ADGRV1: variants seen among roughly 807,000 people sequenced by gnomAD.
The protein encoded by ADGRV1 is adhesion G protein-coupled receptor V1, also known as G-protein coupled receptor 98.
ADGRV1 carries 359 observed loss-of-function variants against 596.2 expected under a neutral mutation model. The observed-to-expected ratio is 0.60, with a 90% confidence interval of 0.55 to 0.66. The LOEUF is 0.66. ADGRV1 is among the 30% of genes least tolerant of loss of function. The pLI, the probability that ADGRV1 is intolerant of heterozygous loss-of-function variation, is 0.00. For synonymous variants in ADGRV1, 2,681 were observed against 2,679.2 expected (o/e 1.00, Z -0.02); for missense variants, 7,274 against 7,575.6 (o/e 0.96, Z 1.48).
chr5:90,990,098 G>A (rs534182837), intron 85 of ADGRV1, among the ~76,000 whole-genome samples: 13 of 152,154 alleles, frequency 8.5e-5, no homozygotes, highest in South Asian at 2.1e-4. Context: ...GATTACAGGC[G>A]TGAGCCACTG....
intron 83 of ADGRV1, among the ~76,000 whole-genome samples, chr5:90,964,776 T>C (rs2150965507): frequency 6.8e-6 from 1 of 147,290 alleles, no homozygotes; most frequent in East Asian, 2.0e-4. Flanking sequence ...AGGTGATGTG[T>C]GCTGGTTAAA....
At chr5:91,056,962 T>C (rs1786932954) in intron 85 of ADGRV1, among the ~76,000 whole-genome samples, 1 of 152,174 alleles carries the variant, frequency 6.6e-6, no homozygotes, top group African/African-American at 2.4e-5. Flanking sequence ...AAAAAAACCA[T>C]AAATCGAGAA....
At chr5:90,973,565 G>A (rs181934766) in intron 84 of ADGRV1, among the ~76,000 whole-genome samples, 2 of 152,110 alleles carry the variant, frequency 1.3e-5, no homozygotes, top group Non-Finnish European at 1.5e-5. Context: ...ATCAGTAAAC[G>A]TAATCCAGCA....
chr5:91,027,899 A>T (rs1784146851), intron 85 of ADGRV1, among the ~76,000 whole-genome samples: 1 of 152,132 alleles, frequency 6.6e-6, no homozygotes, highest in Non-Finnish European at 1.5e-5. Flanking sequence ...CTGGTTTTTA[A>T]GCTTTACCAA....
chr5:91,061,920 T>A (rs1787469603), intron 85 of ADGRV1, among the ~76,000 whole-genome samples: 1 of 152,236 alleles, frequency 6.6e-6, no homozygotes, highest in South Asian at 2.1e-4. Flanking sequence ...AGCTATGTTT[T>A]AACTATGGTC....
At chr5:90,657,619 T>C in intron 20 of ADGRV1, among the ~76,000 whole-genome samples, 1 of 152,178 alleles carries the variant, frequency 6.6e-6, no homozygotes, top group East Asian at 1.9e-4. Flanking sequence ...TACTTTTTTT[T>C]CTAGAAATGT....
At chr5:90,980,745 C>T (rs1223846118) in intron 84 of ADGRV1, among the ~76,000 whole-genome samples, 2 of 152,088 alleles carry the variant, frequency 1.3e-5, no homozygotes, top group Non-Finnish European at 2.9e-5. Context: ...ATTGGATAAA[C>T]GCATAGTCAA....
At chr5:91,104,052 G>A (rs1562224449) in intron 87 of ADGRV1, among the ~76,000 whole-genome samples, 2 of 152,098 alleles carry the variant, frequency 1.3e-5, no homozygotes, top group Non-Finnish European at 2.9e-5. Context: ...CATCGAAGTT[G>A]TGATTTTTCT....
intron 85 of ADGRV1, among the ~76,000 whole-genome samples, chr5:91,046,500 A>G (rs1484361142): frequency 1.3e-5 from 2 of 152,208 alleles, no homozygotes; most frequent in Admixed American, 1.3e-4. Context: ...CTCACCTTAT[A>G]TAGAAATAAA....
chr5:90,901,747 G>A (rs1190467684), intron 83 of ADGRV1, among the ~76,000 whole-genome samples: 1 of 152,014 alleles, frequency 6.6e-6, no homozygotes, highest in Non-Finnish European at 1.5e-5. Flanking sequence ...CAACAGTTTG[G>A]TATATAGTTG....
intron 2 of ADGRV1, among the ~76,000 whole-genome samples, chr5:90,615,241 C>G (rs905970473): frequency 1.3e-5 from 2 of 151,810 alleles, no homozygotes; most frequent in African/African-American, 4.8e-5. Context: ...AAGATATAGA[C>G]TGATCATTTT....
At chr5:90,871,345 A>G (rs1376664819) in intron 83 of ADGRV1, among the ~76,000 whole-genome samples, 1 of 152,090 alleles carries the variant, frequency 6.6e-6, no homozygotes, top group African/African-American at 2.4e-5. Flanking sequence ...GTCTTTCTTA[A>G]AGTCTCTTAA....
At position 90,709,503 on chromosome 5, in the gene ADGRV1, A is replaced by G. The variant is rs1446743167; in HGVS notation, c.8824+594A>G. On this transcript the variant is annotated intron_variant, in intron 39 of 89. Transcript: ENST00000405460. ...TTTACTACTGGGAAATTTTGTCTGAAGCCTGTAGGTGTGATGGCCCACTAG... is the reference window on the plus strand; with the variant it reads ...TTTACTACTGGGAAATTTTGTCTGAGGCCTGTAGGTGTGATGGCCCACTAG... Among the ~76,000 whole-genome samples the G allele has an allele frequency of 2.0e-5, 3 of 152,152 alleles. No individual in the cohort carries two copies. In the East Asian group the frequency reaches 5.8e-4, roughly 29 times the overall value.
chr5:90,664,453 A>T (rs1315267528), intron 21 of ADGRV1, among the ~76,000 whole-genome samples: 1 of 151,544 alleles, frequency 6.6e-6, no homozygotes, highest in Non-Finnish European at 1.5e-5. Flanking sequence ...AGATTTTTGT[A>T]CATTGATTTT....
chr5:90,754,669 CT>C (rs1391452699), intron 54 of ADGRV1, among the ~76,000 whole-genome samples: 1 of 152,112 alleles, frequency 6.6e-6, no homozygotes, highest in Non-Finnish European at 1.5e-5. Context: ...CATATCTGTA[CT>C]TCCCTAAGAC....
intron 1 of ADGRV1, among the ~76,000 whole-genome samples, chr5:90,581,567 G>T (rs1182572264): frequency 9.9e-5 from 15 of 152,152 alleles, no homozygotes; most frequent in Admixed American, 9.8e-4. Flanking sequence ...GACCCTGTTT[G>T]CCTGGGCATC....
chr5:90,961,818 A>T lies in ADGRV1; in HGVS notation c.17857-3597A>T, dbSNP rs192894253. Among the ~76,000 whole-genome samples the T allele has an allele frequency of 3.6e-3, 552 of 152,284 alleles. 2 individuals carry two copies. The highest frequency in any genetic ancestry group is 0.013 in the African/African-American group (529 of 41,558). ...AATATCTCAAATACTTTTTGGGGGA[A>T]CTATATTTATTTTTCTTTTCTCTTA... On this transcript the variant is annotated intron_variant, in intron 83 of 89. Coordinates refer to ENST00000405460, the MANE Select transcript of ADGRV1 (RefSeq NM_032119.4).
chr5:90,828,732 A>G (rs1764268447), intron 76 of ADGRV1, among the ~76,000 whole-genome samples: 1 of 152,172 alleles, frequency 6.6e-6, no homozygotes, highest in Admixed American at 6.6e-5. Flanking sequence ...GCTCGCCCAG[A>G]GAAAGTAAAT....
intron 70 of ADGRV1, among the ~76,000 whole-genome samples, chr5:90,795,237 A>G (rs1760562839): frequency 6.6e-6 from 1 of 152,026 alleles, no homozygotes; most frequent in Non-Finnish European, 1.5e-5. Context: ...CCAGCAAACT[A>G]AGATCTACTG....
Sources: gnomAD v4.1 joint callset for allele counts (sites outside exome capture counted in the v4.1 genomes callset) on GRCh38, gnomAD v4.1.1 for gene constraint, MANE v1.5 for transcripts, NCBI Gene and HGNC (gene_info 2026-07-23, HGNC 2026-07-21) for gene names.